Variants in TSPO observed in about 807,000 individuals in gnomAD.
The protein encoded by TSPO is benzodiazepine peripheral binding site.
In TSPO, 14 loss-of-function variants were observed where a neutral mutation model predicts 13.9. The observed-to-expected ratio is 1.01, with a 90% CI of 0.67 to 1.58. The LOEUF is 1.58. TSPO is among the 40% of genes most tolerant of loss of function. The probability of loss-of-function intolerance (pLI) is 0.00; values close to 1 mark genes in which losing one functional copy is unlikely to be tolerated. For missense variants in TSPO, 232 were observed against 229.6 expected, an observed-to-expected ratio of 1.01 and a Z score of -0.07; for synonymous variants, 114 against 105.9, an observed-to-expected ratio of 1.08 and a Z score of -0.47.
At chr22:43,154,121 G>A (rs557456493) in intron 1 of TSPO, among the ~76,000 whole-genome samples, 158 of 152,226 alleles carry the variant, frequency 1.0e-3, no homozygotes, top group African/African-American at 3.7e-3. Context: ...CCAGACCTGT[G>A]GGCTGTTTCA....
At position 43,159,433 on chromosome 22, in the gene TSPO, GCA is replaced by G. The variant is rs1335989586; in HGVS notation, c.182+15_182+16del. 12 of 1,496,090 alleles carry G rather than the reference GCA, an allele frequency of 8.0e-6. No individual in the cohort carries two copies. The highest frequency in any genetic ancestry group is 5.6e-5 in the African/African-American group (4 of 71,590). The allele number at this position is 1,496,090 out of a possible 1,614,324, so 92.7% of individuals were successfully genotyped here. A position where few individuals can be genotyped will look rare whatever the true frequency, so the allele number is the denominator to read the frequency against. On this transcript the variant is annotated intron_variant, in intron 2 of 3. Coordinates refer to ENST00000337554, the MANE Select transcript of TSPO (RefSeq NM_000714.6). ...ACTCAGCCATGGGGTAGGTGGGCGTGCACTGGCCTGGGGATAAGCCTGGCCCT... is the reference window on the plus strand; with the variant it reads ...ACTCAGCCATGGGGTAGGTGGGCGTGCTGGCCTGGGGATAAGCCTGGCCCT...
chr22:43,161,566 C>A (rs1472383995), intron 3 of TSPO, among the ~76,000 whole-genome samples: 4 of 152,036 alleles, frequency 2.6e-5, no homozygotes, highest in Non-Finnish European at 4.4e-5. Context: ...CGGCCCACTG[C>A]AACCTCCACC....
intron 1 of TSPO, among the ~76,000 whole-genome samples, chr22:43,153,345 T>TGATGGTGCAAACAA (rs1214567553): frequency 1.7e-3 from 88 of 50,294 alleles, no homozygotes; most frequent in East Asian, 0.011. Context: ...TCTTTTTTTT[T>TGATGGTGCAAACAA]TTTTTTTTTT....
chr22:43,157,846 G>A (rs9333327), intron 1 of TSPO, among the ~76,000 whole-genome samples: 2 of 152,144 alleles, frequency 1.3e-5, no homozygotes, highest in Non-Finnish European at 2.9e-5. Flanking sequence ...CAAAAAAAGC[G>A]CATATCTATG....
intron 3 of TSPO, among the ~76,000 whole-genome samples, chr22:43,162,381 C>G (rs998516044): frequency 2.0e-5 from 3 of 152,162 alleles, no homozygotes; most frequent in Non-Finnish European, 2.9e-5. Flanking sequence ...CTCAGCCTCC[C>G]AAAGTGCTGG....
chr22:43,162,647 C>T (rs557539718), intron 3 of TSPO, among the ~76,000 whole-genome samples, 156 bp from the exon 4 acceptor site: 2 of 152,288 alleles, frequency 1.3e-5, no homozygotes, highest in South Asian at 2.1e-4. Flanking sequence ...ACTGAGGCTG[C>T]GATGGGGGAG....
chr22:43,159,183 C>G lies in TSPO; in HGVS notation c.-29-27C>G, dbSNP rs1039152353. 7.6e-6 allele frequency: 11 copies of G among 1,447,774 alleles called. No individual in the cohort carries two copies. The African/African-American group carries it at 1.6e-4, about 21-fold the overall frequency. 89.7% of individuals were successfully genotyped at this position (1,447,774 alleles called of 1,614,324 possible). A position where few individuals can be genotyped will look rare whatever the true frequency, so the allele number is the denominator to read the frequency against. ...CTGACCCCATGGCCTCAGGAATGCC[C>G]TCACCCAGCCCTGTCTTCTCTTTCA... On this transcript the variant is annotated intron_variant, in intron 1 of 3. Transcript: ENST00000337554.
rs771545866 is a variant in TSPO, at chr22:43,162,941, G to A, written c.460G>A (p.Val154Ile). 25 of 1,598,348 alleles carry A rather than the reference G, an allele frequency of 1.6e-5. No homozygotes were observed. Among genetic ancestry groups the A allele is most frequent in the Middle Eastern group, 1.7e-4 (1 of 6,046 alleles). The stretch of plus-strand genomic sequence containing the variant: ...CTTCACGACCACACTCAACTACTGC[G>A]TATGGCGGGACAACCATGGCTGGCG... ...LAFTTTLNYC[V>I]WRDNHGWRGG... is the part of the protein sequence containing the mutation. The change falls in exon 4 of 4, where the codon GTA (valine) becomes ATA (isoleucine). Residue 154 changes from valine to isoleucine, a missense_variant. Transcript: ENST00000337554.
Position 43,161,022 on chromosome 22 carries a change from T to C in TSPO, c.183-30T>C, listed in dbSNP as rs894315595. On this transcript the variant is annotated intron_variant, in intron 2 of 3. Coordinates refer to ENST00000337554, the MANE Select transcript of TSPO (RefSeq NM_000714.6). ...GCAACGCTCCTGGCCTTGTTCCTAATGGTGCTCTGAACTGCGGCCTCTGTT... is the reference window on the plus strand; with the variant it reads ...GCAACGCTCCTGGCCTTGTTCCTAACGGTGCTCTGAACTGCGGCCTCTGTT... 6 of 1,600,292 alleles carry C rather than the reference T, an allele frequency of 3.7e-6. No homozygotes were observed. In the African/African-American group the frequency reaches 8.1e-5, roughly 21 times the overall value.
At chr22:43,157,800 G>A (rs1038287901) in intron 1 of TSPO, among the ~76,000 whole-genome samples, 2 of 152,208 alleles carry the variant, frequency 1.3e-5, no homozygotes, top group African/African-American at 2.4e-5. Context: ...TCGCGCCATT[G>A]TATTCCACCC....
chr22:43,153,047 C>T (rs530769794), intron 1 of TSPO, among the ~76,000 whole-genome samples: 12 of 151,368 alleles, frequency 7.9e-5, no homozygotes, highest in Non-Finnish European at 1.6e-4. Context: ...CCCCTTCCCA[C>T]CCCTTCTTTC....
In TSPO at chr22:43,163,116, C is replaced by A; in HGVS notation, c.*125C>A. The A allele has an allele frequency of 6.7e-7, 1 of 1,499,716 alleles. No homozygotes were observed. Among genetic ancestry groups the A allele is most frequent in the Non-Finnish European group, 8.9e-7 (1 of 1,124,048 alleles). The allele number at this position is 1,499,716 out of a possible 1,614,324, so 92.9% of individuals were successfully genotyped here. On this transcript the variant is annotated 3_prime_UTR_variant, in exon 4 of 4. Coordinates refer to ENST00000337554, the MANE Select transcript of TSPO (RefSeq NM_000714.6). ...GTCAGGGCCTTGGCCCAGGGGTCAGCAGAGCTTCAGAGGTGGCCCCACCTG... is the reference window on the plus strand; with the variant it reads ...GTCAGGGCCTTGGCCCAGGGGTCAGAAGAGCTTCAGAGGTGGCCCCACCTG...
intron 3 of TSPO, 90 bp downstream of exon 3, chr22:43,161,280 T>C (rs938311016): frequency 7.9e-6 from 12 of 1,515,494 alleles, no homozygotes; most frequent in East Asian, 6.9e-5. Flanking sequence ...TCAGTGTCTA[T>C]AGGCGGGGCC....
At chr22:43,162,057 TCTC>T (rs968389387) in intron 3 of TSPO, among the ~76,000 whole-genome samples, 5 of 151,486 alleles carry the variant, frequency 3.3e-5, no homozygotes, top group Admixed American at 1.3e-4. Flanking sequence ...TTCAAGTGAT[TCTC>T]CTGTCTCAGC....
intron 1 of TSPO, among the ~76,000 whole-genome samples, chr22:43,154,230 G>A (rs772848455): frequency 4.6e-5 from 7 of 152,212 alleles, no homozygotes; most frequent in Non-Finnish European, 7.3e-5. Flanking sequence ...CCCTGGGACA[G>A]TGCTGGCTTC....
chr22:43,161,951 C>T (rs941334424), intron 3 of TSPO, among the ~76,000 whole-genome samples: 2 of 151,588 alleles, frequency 1.3e-5, no homozygotes, highest in Admixed American at 1.3e-4. Context: ...TCACTGTGCC[C>T]GGCAGCCTTT....
chr22:43,154,215 C>G (rs1158596646), intron 1 of TSPO, among the ~76,000 whole-genome samples: 1 of 152,062 alleles, frequency 6.6e-6, no homozygotes, highest in Non-Finnish European at 1.5e-5. Flanking sequence ...AGCCTGAAAA[C>G]AAGTCCCTGG....
At chr22:43,162,207 C>CCAGGTTCACTGCA (rs914115831) in intron 3 of TSPO, among the ~76,000 whole-genome samples, 10 of 152,226 alleles carry the variant, frequency 6.6e-5, no homozygotes, top group South Asian at 4.1e-4. Flanking sequence ...CTGCAACCTC[C>CCAGGTTCACTGCA]GTCTCCCAGG....
At position 43,159,224 on chromosome 22, in the gene TSPO, G is replaced by A. The variant is rs760878391; in HGVS notation, c.-15G>A. ...TTCTCTTTCAGAGCTCCCCTGAACA[G>A]CAGCTGCAGCAGCCATGGCCCCGCC... On this transcript the variant is annotated 5_prime_UTR_variant, in exon 2 of 4. Transcript: ENST00000337554. 1 of 1,531,002 alleles carries A rather than the reference G, an allele frequency of 6.5e-7. No homozygotes were observed. Among genetic ancestry groups the A allele is most frequent in the Admixed American group, 2.0e-5 (1 of 49,472 alleles). The allele number at this position is 1,531,002 out of a possible 1,614,324, so 94.8% of individuals were successfully genotyped here.
Sources: allele counts gnomAD v4.1 joint callset (sites outside exome capture counted in the v4.1 genomes callset), GRCh38; gene constraint gnomAD v4.1.1; transcripts MANE v1.5; gene names NCBI Gene and HGNC (gene_info 2026-07-23, HGNC 2026-07-21).